Variants in RASGRF2 observed in about 807,000 individuals in gnomAD.
The protein encoded by RASGRF2 is Ras protein specific guanine nucleotide releasing factor 2.
In RASGRF2, 76 loss-of-function variants were observed where a neutral mutation model predicts 151.0. The observed-to-expected ratio is 0.50, with a 90% CI of 0.42 to 0.61. RASGRF2 has a LOEUF of 0.61. Among genes scored for constraint, RASGRF2 ranks in the 20% least tolerant of loss-of-function variants. The probability of loss-of-function intolerance (pLI) is 0.00; values close to 1 mark genes in which losing one functional copy is unlikely to be tolerated. For missense variants in RASGRF2, 1,148 were observed against 1,564.6 expected, an observed-to-expected ratio of 0.73 and a Z score of 4.49; for synonymous variants, 504 against 566.5, an observed-to-expected ratio of 0.89 and a Z score of 1.57.
At chr5:81,023,288 CA>C (rs1359598046) in intron 1 of RASGRF2, among the ~76,000 whole-genome samples, 2 of 152,196 alleles carry the variant, frequency 1.3e-5, no homozygotes, top group African/African-American at 4.8e-5. Flanking sequence ...AAGACACAAA[CA>C]AGGTCATAAC....
intron 18 of RASGRF2, among the ~76,000 whole-genome samples, chr5:81,193,858 G>C (rs1437400781): frequency 6.6e-6 from 1 of 152,156 alleles, no homozygotes; most frequent in African/African-American, 2.4e-5. Flanking sequence ...GGTTAGAAAA[G>C]CAGTTTAAAA....
intron 18 of RASGRF2, among the ~76,000 whole-genome samples, chr5:81,193,100 T>G (rs1019384774): frequency 6.6e-6 from 1 of 152,206 alleles, no homozygotes; most frequent in Non-Finnish European, 1.5e-5. Context: ...ACTGTACTTA[T>G]TACACTGAGA....
chr5:81,154,268 T>A (rs983328743), intron 17 of RASGRF2, among the ~76,000 whole-genome samples: 9 of 152,232 alleles, frequency 5.9e-5, no homozygotes, highest in Non-Finnish European at 8.8e-5. Flanking sequence ...TTTGGGGTTT[T>A]TTTAGACAGA....
chr5:81,094,650 A>G (rs1379669147), intron 11 of RASGRF2, among the ~76,000 whole-genome samples: 1 of 152,210 alleles, frequency 6.6e-6, no homozygotes, highest in Non-Finnish European at 1.5e-5. Context: ...CCAGGATTCT[A>G]GTCTCAAGTA....
rs910599563 is a variant in RASGRF2 at position 81,229,030 on chromosome 5, G to A, written c.*3260G>A. On this transcript the variant is annotated 3_prime_UTR_variant, in exon 27 of 27. Coordinates refer to ENST00000265080, the MANE Select transcript of RASGRF2 (RefSeq NM_006909.3). ...CCCTTTCTCTCATGTTATTGTATAA[G>A]ACGAGACTTTTGGGCCAGCAGCGAT... is the stretch of plus-strand genomic sequence containing the variant. 2 of 152,134 alleles carry A rather than the reference G, an allele frequency of 1.3e-5. No individual in the cohort carries two copies. The highest frequency in any genetic ancestry group is 6.5e-5 in the Admixed American group (1 of 15,280). 9.4% of individuals were successfully genotyped at this position (152,134 alleles called of 1,614,324 possible).
chr5:81,085,829 G>A lies in RASGRF2; in HGVS notation c.1189G>A (p.Glu397Lys). The A allele has an allele frequency of 6.2e-7, 1 of 1,613,962 alleles. No individual in the cohort carries two copies. Among genetic ancestry groups the A allele is most frequent in the Non-Finnish European group, 8.5e-7 (1 of 1,179,976 alleles). The change falls in exon 8 of 27, where the codon GAG becomes AAG. Residue 397 changes from glutamate (E) to lysine (K), a missense_variant. Physicochemically the swap from Glu to Lys is moderately conservative, Grantham distance 56. Transcript: ENST00000265080. ...CCCCAGATATATCATCACACTCCAT[G>A]AGCTCCTTGCTCACACACCCCATGA... is the stretch of plus-strand genomic sequence containing the variant. ...QIPRYIITLH[E>K]LLAHTPHEHV...
At position 81,068,258 on chromosome 5, in the gene RASGRF2, G is replaced by A. The variant is rs1209941134; in HGVS notation, c.543+79G>A. On this transcript the variant is annotated intron_variant, in intron 3 of 26. Transcript: ENST00000265080. Reference sequence around the variant, plus strand: ...CTCATGATTACTTAAGGCCTATTCAGGGCAACATTTTAATCCCAGGCTGAC... The same window carrying A: ...CTCATGATTACTTAAGGCCTATTCAAGGCAACATTTTAATCCCAGGCTGAC... 2.0e-6 allele frequency: 3 copies of A among 1,489,538 alleles called. No individual in the cohort carries two copies. In the African/African-American group the frequency reaches 4.2e-5, roughly 21 times the overall value. The allele number at this position is 1,489,538 out of a possible 1,614,324, so 92.3% of individuals were successfully genotyped here.
chr5:81,039,136 T>C (rs1417416787), intron 1 of RASGRF2, among the ~76,000 whole-genome samples: 4 of 152,226 alleles, frequency 2.6e-5, no homozygotes, highest in African/African-American at 9.6e-5. Flanking sequence ...AGGATTTGAC[T>C]CTTCCTTAGA....
At chr5:81,201,914 C>A (rs1015511767) in intron 19 of RASGRF2, among the ~76,000 whole-genome samples, 6 of 152,188 alleles carry the variant, frequency 3.9e-5, no homozygotes, top group African/African-American at 1.4e-4. Flanking sequence ...CACTGGTCCT[C>A]GACCAGCTTT....
chr5:81,210,756 T>A (rs749034710), intron 22 of RASGRF2, among the ~76,000 whole-genome samples: 1 of 152,142 alleles, frequency 6.6e-6, no homozygotes, highest in African/African-American at 2.4e-5. Flanking sequence ...CACCCTTGCC[T>A]CTCCCAGTCC....
intron 17 of RASGRF2, among the ~76,000 whole-genome samples, chr5:81,166,810 A>G (rs1754521453): frequency 6.6e-6 from 1 of 152,166 alleles, no homozygotes; most frequent in Non-Finnish European, 1.5e-5. Flanking sequence ...AAGGACACTG[A>G]GAACCCGAGA....
chr5:81,212,016 A>G (rs1420367737), intron 22 of RASGRF2, among the ~76,000 whole-genome samples: 2 of 152,328 alleles, frequency 1.3e-5, no homozygotes, highest in South Asian at 2.1e-4. Flanking sequence ...AGTGACATCC[A>G]TGATCTACAG....
At chr5:81,202,190 C>A (rs894550903) in intron 19 of RASGRF2, among the ~76,000 whole-genome samples, 3 of 152,126 alleles carry the variant, frequency 2.0e-5, no homozygotes, top group Non-Finnish European at 4.4e-5. Context: ...ATTTCAGTTG[C>A]AGCTTCCCAG....
At chr5:81,064,117 G>T (rs1017278364) in intron 2 of RASGRF2, among the ~76,000 whole-genome samples, 3 of 152,192 alleles carry the variant, frequency 2.0e-5, no homozygotes, top group Non-Finnish European at 2.9e-5. Context: ...TGTTGGCCAG[G>T]TCTGTATTCT....
At position 81,111,066 on chromosome 5, in the gene RASGRF2, A is replaced by AT. The variant is rs1752978975; in HGVS notation, c.1839-1542dup. ...TAAGAGCAAGCTAAGAAAGCAGTTGATTCCTTTTTATCCGAAAGAAAATAG... is the reference window on the plus strand; with the variant it reads ...TAAGAGCAAGCTAAGAAAGCAGTTGATTTCCTTTTTATCCGAAAGAAAATAG... On this transcript the variant is annotated intron_variant, in intron 13 of 26. Coordinates refer to ENST00000265080, the MANE Select transcript of RASGRF2 (RefSeq NM_006909.3). Among the ~76,000 whole-genome samples, 4 of 152,214 alleles carry AT rather than the reference A, an allele frequency of 2.6e-5. No homozygotes were observed. The South Asian group carries it at 8.3e-4, about 32-fold the overall frequency.
At position 81,123,715 on chromosome 5, in the gene RASGRF2, A is replaced by G. The variant is rs754426245; in HGVS notation, c.2544A>G (p.Ser848=). ...CTGCAGCGGACACCACAGAACTTTC[A>G]CCTTGCAGATCCCCCTCAACTCCTC... ...SSPAADTTEL[S]PCRSPSTPRH... The change falls in exon 16 of 27, where the codon TCA becomes TCG. Residue 848 remains serine (S), a synonymous_variant. Coordinates refer to ENST00000265080, the MANE Select transcript of RASGRF2 (RefSeq NM_006909.3). 1 of 1,613,924 alleles carries G rather than the reference A, an allele frequency of 6.2e-7. No individual in the cohort carries two copies. The highest frequency in any genetic ancestry group is 8.5e-7 in the Non-Finnish European group (1 of 1,179,928).
intron 19 of RASGRF2, 137 bp downstream of exon 19, chr5:81,201,579 C>T: frequency 1.0e-6 from 1 of 981,866 alleles, no homozygotes; most frequent in South Asian, 2.1e-5. Context: ...TATGTATTAT[C>T]TTCTCTTTCC....
At chr5:81,191,681 T>A (rs1255907195) in intron 18 of RASGRF2, among the ~76,000 whole-genome samples, 2 of 145,182 alleles carry the variant, frequency 1.4e-5, no homozygotes, top group African/African-American at 2.6e-5. Context: ...GAAAAAAAAA[T>A]TCTCTTTTTT....
chr5:81,076,180 G>A (rs973788819), intron 5 of RASGRF2, among the ~76,000 whole-genome samples: 4 of 152,148 alleles, frequency 2.6e-5, no homozygotes, highest in African/African-American at 9.7e-5. Context: ...GTGGTGGGGC[G>A]GAGGGAAGAG....
Sources: allele counts gnomAD v4.1 joint callset (sites outside exome capture counted in the v4.1 genomes callset), GRCh38; gene constraint gnomAD v4.1.1; transcripts MANE v1.5; gene names NCBI Gene and HGNC (gene_info 2026-07-23, HGNC 2026-07-21).